The following ERBB4 variants were observed in gnomAD, a reference collection of about 807,000 sequenced individuals.
ERBB4 encodes the protein erb-b2 receptor tyrosine kinase 4, also known as receptor tyrosine-protein kinase erbB-4.
In ERBB4, 42 loss-of-function variants were observed where a neutral mutation model predicts 158.0. That is an observed-to-expected ratio of 0.27 (90% CI 0.21 to 0.34). ERBB4 has a LOEUF of 0.34. ERBB4 is among the 10% of genes least tolerant of loss of function. The pLI, the probability that ERBB4 is intolerant of heterozygous loss-of-function variation, is 1.00. For missense variants in ERBB4, 1,333 were observed against 1,624.1 expected (o/e 0.82, Z 3.08); for synonymous variants, 583 against 558.7 (o/e 1.04, Z -0.61).
At chr2:211,498,389 GTACAT>G (rs2065528753) in intron 20 of ERBB4, among the ~76,000 whole-genome samples, 1 of 151,902 alleles carries the variant, frequency 6.6e-6, no homozygotes, top group South Asian at 2.1e-4. Context: ...TTTGACTTTG[GTACAT>G]TAAAGTTTTA....
intron 1 of ERBB4, among the ~76,000 whole-genome samples, chr2:212,533,563 A>G (rs1421977582): frequency 1.3e-5 from 2 of 152,210 alleles, no homozygotes. Flanking sequence ...GAAGACATAC[A>G]GTTTCAGGAA....
intron 1 of ERBB4, among the ~76,000 whole-genome samples, chr2:212,162,554 G>A (rs932405598): frequency 1.3e-5 from 2 of 151,744 alleles, no homozygotes; most frequent in Non-Finnish European, 2.9e-5. Context: ...ACAATAAATT[G>A]TATATAAATT....
chr2:211,713,830 A>C (rs1057405043), intron 7 of ERBB4, among the ~76,000 whole-genome samples, 182 bp from the exon 8 acceptor site: 1 of 152,188 alleles, frequency 6.6e-6, no homozygotes, highest in African/African-American at 2.4e-5. Flanking sequence ...AGTCAAATGC[A>C]ATGTGTGTTA....
chr2:211,414,328 C>T (rs1020815208), intron 25 of ERBB4, among the ~76,000 whole-genome samples: 2 of 151,764 alleles, frequency 1.3e-5, no homozygotes, highest in African/African-American at 2.4e-5. Context: ...GAAACCCTGT[C>T]TCTACTAAAA....
Position 212,124,558 on chromosome 2 carries a change from G to A in ERBB4, c.234+194C>T, listed in dbSNP as rs986064440. 4.9e-6 allele frequency: 3 copies of A among 609,192 alleles called. No homozygotes were observed. The East Asian group carries it at 8.6e-5, about 17-fold the overall frequency. 37.7% of individuals were successfully genotyped at this position (609,192 alleles called of 1,614,324 possible). On this transcript the variant is annotated intron_variant, in intron 2 of 27. Transcript: ENST00000342788. ...AACAGCAACTGCTTTAAACTCAGGA[G>A]CGTCAGTCATTATGGCTTTGTTACT...
intron 15 of ERBB4, among the ~76,000 whole-genome samples, chr2:211,659,596 T>C (rs1468972985): frequency 6.6e-6 from 1 of 152,084 alleles, no homozygotes; most frequent in Non-Finnish European, 1.5e-5. Context: ...CTATGGCTAG[T>C]TTGCAATCCA....
At chr2:211,831,320 G>T (rs990531409) in intron 3 of ERBB4, among the ~76,000 whole-genome samples, 1 of 152,022 alleles carries the variant, frequency 6.6e-6, no homozygotes. Flanking sequence ...ACTCATGAAG[G>T]GTCATGTTAT....
intron 20 of ERBB4, among the ~76,000 whole-genome samples, chr2:211,516,169 G>C (rs144540070): frequency 0.042 from 6,355 of 151,162 alleles, 457 homozygotes; most frequent in African/African-American, 0.15. Flanking sequence ...GCCCGCCTCG[G>C]CCTCCCAAAG....
chr2:212,267,715 C>T (rs1049685032), intron 1 of ERBB4, among the ~76,000 whole-genome samples: 5 of 150,646 alleles, frequency 3.3e-5, no homozygotes, highest in African/African-American at 9.8e-5. Context: ...CTTCATTTAA[C>T]GTTAGGTGTA....
chr2:211,706,927 AAGTGTATCATGT>A (rs1162551469), intron 9 of ERBB4, among the ~76,000 whole-genome samples: 1 of 152,200 alleles, frequency 6.6e-6, no homozygotes, highest in Admixed American at 6.5e-5. Context: ...GCCAAAAATG[AAGTGTATCATGT>A]AGGAAAACTC....
intron 1 of ERBB4, among the ~76,000 whole-genome samples, chr2:212,362,380 A>G (rs2089720969): frequency 6.6e-6 from 1 of 151,434 alleles, no homozygotes; most frequent in East Asian, 1.9e-4. Flanking sequence ...CACCTGTTTT[A>G]GCTTTTAAAC....
In ERBB4 at chr2:212,113,389, C is replaced by T. The variant is rs2079474627; in HGVS notation, c.234+11363G>A. On this transcript the variant is annotated intron_variant, in intron 2 of 27. Transcript: ENST00000342788. Reference sequence around the variant, plus strand: ...AGGAGATCGAGACCATCCTGGCTAACACGGTGAAACCCGTCTCTACTAAAA... The same window carrying T: ...AGGAGATCGAGACCATCCTGGCTAATACGGTGAAACCCGTCTCTACTAAAA... Among the ~76,000 whole-genome samples the T allele has an allele frequency of 2.0e-5, 3 of 151,734 alleles. No individual in the cohort carries two copies. The South Asian group carries it at 6.2e-4, about 31-fold the overall frequency.
intron 1 of ERBB4, among the ~76,000 whole-genome samples, chr2:212,474,726 T>A (rs1351482592): frequency 6.6e-6 from 1 of 152,034 alleles, no homozygotes; most frequent in African/African-American, 2.4e-5. Context: ...CAAGTTCTTA[T>A]GTTGGGTAGG....
chr2:211,944,508 T>G (rs1029326326), intron 3 of ERBB4, among the ~76,000 whole-genome samples: 3 of 151,652 alleles, frequency 2.0e-5, no homozygotes, highest in Non-Finnish European at 2.9e-5. Context: ...AGGATCCCAG[T>G]GTATTATTTT....
intron 19 of ERBB4, among the ~76,000 whole-genome samples, chr2:211,577,404 G>C (rs1413000961): frequency 1.3e-5 from 2 of 151,822 alleles, no homozygotes; most frequent in Non-Finnish European, 2.9e-5. Context: ...AGATAATCAA[G>C]TACCTTGTCT....
chr2:212,224,327 G>T lies in ERBB4; in HGVS notation c.83-99424C>A, dbSNP rs541382893. Among the ~76,000 whole-genome samples the T allele has an allele frequency of 1.5e-4, 23 of 151,930 alleles. 1 individual carries two copies. In the South Asian group the frequency reaches 4.8e-3, roughly 32 times the overall value. ...GTGACTTTATATTTACTATCCTGTAGTTCTCAAATAAAGGTATTTTCATTT... is the reference window on the plus strand; with the variant it reads ...GTGACTTTATATTTACTATCCTGTATTTCTCAAATAAAGGTATTTTCATTT... On this transcript the variant is annotated intron_variant, in intron 1 of 27. Transcript: ENST00000342788.
At chr2:212,088,786 T>A (rs1191856828) in intron 2 of ERBB4, among the ~76,000 whole-genome samples, 1 of 152,152 alleles carries the variant, frequency 6.6e-6, no homozygotes, top group Non-Finnish European at 1.5e-5. Context: ...GAATTCTATT[T>A]TAAATTAAAA....
chr2:211,455,444 A>G (rs2064357232), intron 20 of ERBB4, among the ~76,000 whole-genome samples: 1 of 152,198 alleles, frequency 6.6e-6, no homozygotes, highest in Non-Finnish European at 1.5e-5. Context: ...AGCACTGTTC[A>G]GCTGCCTTTT....
chr2:211,857,402 T>A (rs1383724012), intron 3 of ERBB4, among the ~76,000 whole-genome samples: 3 of 152,152 alleles, frequency 2.0e-5, no homozygotes, highest in Non-Finnish European at 4.4e-5. Flanking sequence ...TAAAAGTCCC[T>A]TCACCCTAAA....
Sources: gnomAD v4.1 joint callset for allele counts (sites outside exome capture counted in the v4.1 genomes callset) on GRCh38, gnomAD v4.1.1 for gene constraint, MANE v1.5 for transcripts, NCBI Gene and HGNC (gene_info 2026-07-23, HGNC 2026-07-21) for gene names.